The following NCAM2 variants were observed in gnomAD, a reference collection of about 807,000 sequenced individuals.
NCAM2 encodes neural cell adhesion molecule 2.
A neutral mutation model predicts 98.1 loss-of-function variants in NCAM2; 30 were observed. The ratio of observed to expected loss-of-function variants is 0.31; its 90% CI spans 0.23 to 0.41. The LOEUF (loss-of-function observed/expected upper bound fraction) is 0.41, where lower values mean the gene tolerates loss of function less well. NCAM2 is among the 10% of genes least tolerant of loss of function. NCAM2 has a pLI of 1.00. For synonymous variants in NCAM2, 368 were observed against 342.4 expected (o/e 1.07, Z -0.83); for missense variants, 867 against 1,005.8 (o/e 0.86, Z 1.87).
intron 1 of NCAM2, among the ~76,000 whole-genome samples, chr21:21,063,176 T>A: frequency 6.7e-6 from 1 of 148,212 alleles, no homozygotes; most frequent in Non-Finnish European, 1.5e-5. Flanking sequence ...TTTACCCTGG[T>A]CCCTCAAGTC....
At chr21:21,197,293 C>G (rs1393238308) in intron 1 of NCAM2, among the ~76,000 whole-genome samples, 2 of 152,092 alleles carry the variant, frequency 1.3e-5, no homozygotes, top group African/African-American at 4.8e-5. Context: ...CCACGCCTGG[C>G]TAACTTTGGT....
chr21:21,438,738 C>T (rs1279891605), intron 12 of NCAM2, among the ~76,000 whole-genome samples: 1 of 152,014 alleles, frequency 6.6e-6, no homozygotes, highest in African/African-American at 2.4e-5. Flanking sequence ...ATCTTACAAA[C>T]AGCTACTCTT....
chr21:21,428,832 T>A (rs534007172), intron 11 of NCAM2, among the ~76,000 whole-genome samples: 1 of 152,356 alleles, frequency 6.6e-6, no homozygotes, highest in South Asian at 2.1e-4. Flanking sequence ...GTTCTGTATC[T>A]TTGTATATAA....
intron 1 of NCAM2, among the ~76,000 whole-genome samples, chr21:21,159,436 A>G (rs886145174): frequency 6.6e-6 from 1 of 152,166 alleles, no homozygotes; most frequent in Admixed American, 6.5e-5. Flanking sequence ...CATGTCCTGC[A>G]AGCTCCATTT....
chr21:21,192,251 T>TA (rs937346944), intron 1 of NCAM2, among the ~76,000 whole-genome samples: 26 of 146,180 alleles, frequency 1.8e-4, no homozygotes, highest in East Asian at 1.0e-3. Flanking sequence ...ACAAAAAAAC[T>TA]AAAAAAAAAC....
At chr21:21,175,270 C>T (rs1239997486) in intron 1 of NCAM2, among the ~76,000 whole-genome samples, 1 of 152,088 alleles carries the variant, frequency 6.6e-6, no homozygotes, top group Non-Finnish European at 1.5e-5. Context: ...TACCGTGGCT[C>T]ACGCCTGTAA....
At chr21:21,306,762 T>G (rs970313248) in intron 5 of NCAM2, among the ~76,000 whole-genome samples, 1 of 152,160 alleles carries the variant, frequency 6.6e-6, no homozygotes, top group Non-Finnish European at 1.5e-5. Context: ...ATAGTCACCC[T>G]GTTATGGTAT....
intron 1 of NCAM2, among the ~76,000 whole-genome samples, chr21:21,026,438 C>T (rs2064546417): frequency 6.6e-6 from 1 of 152,042 alleles, no homozygotes; most frequent in Admixed American, 6.6e-5. Context: ...GCGGGTGGAT[C>T]ACCTGAGGTC....
intron 12 of NCAM2, among the ~76,000 whole-genome samples, chr21:21,454,462 T>C (rs921252700): frequency 4.6e-5 from 7 of 152,130 alleles, no homozygotes; most frequent in African/African-American, 1.7e-4. Flanking sequence ...ATCCCTAACT[T>C]ATGTATGGGT....
intron 1 of NCAM2, among the ~76,000 whole-genome samples, chr21:21,022,854 A>G (rs1371991443): frequency 6.6e-6 from 1 of 152,192 alleles, no homozygotes; most frequent in Non-Finnish European, 1.5e-5. Context: ...ATAGACATGT[A>G]GATCTTACAA....
At chr21:21,236,715 C>T (rs1196033085) in intron 1 of NCAM2, among the ~76,000 whole-genome samples, 3 of 151,562 alleles carry the variant, frequency 2.0e-5, no homozygotes, top group African/African-American at 4.8e-5. Flanking sequence ...CTTCATAGGT[C>T]CTCTCTCCCA....
chr21:21,118,010 T>C (rs2066598395), intron 1 of NCAM2, among the ~76,000 whole-genome samples: 1 of 152,348 alleles, frequency 6.6e-6, no homozygotes, highest in African/African-American at 2.4e-5. Context: ...TCCATTTAGT[T>C]AGGGATAACT....
At chr21:21,515,877 G>T (rs1460089) in intron 16 of NCAM2, among the ~76,000 whole-genome samples, 94,092 of 151,902 alleles carry the variant, frequency 0.62, 29,259 homozygotes, top group East Asian at 0.77. Context: ...GAAGAAGACG[G>T]CAATTTTAGA....
intron 1 of NCAM2, among the ~76,000 whole-genome samples, chr21:21,113,282 A>C (rs1053493534): frequency 2.6e-5 from 4 of 152,226 alleles, no homozygotes; most frequent in Admixed American, 6.5e-5. Context: ...TCACGGTGGC[A>C]CAAAATTGTT....
rs898438757 is a variant in NCAM2, at chr21:21,538,280, T to C, written c.*323T>C. ...AAAGTGCTCTATTTATTAAGAACTA[T>C]ATTTAATACCACCAACAAATATAGG... is the stretch of plus-strand genomic sequence containing the variant. On this transcript the variant is annotated 3_prime_UTR_variant, in exon 18 of 18. Transcript: ENST00000400546. The C allele has an allele frequency of 6.1e-6, 1 of 164,022 alleles. No homozygotes were observed. Among genetic ancestry groups the C allele is most frequent in the Admixed American group, 6.5e-5 (1 of 15,298 alleles). The allele number at this position is 164,022 out of a possible 1,614,324, so 10.2% of individuals were successfully genotyped here.
intron 11 of NCAM2, among the ~76,000 whole-genome samples, chr21:21,425,664 A>T (rs1056744098): frequency 1.3e-5 from 2 of 152,106 alleles, no homozygotes; most frequent in Admixed American, 1.3e-4. Context: ...AATGAAAGAA[A>T]TTTTTCAGGG....
rs550710618 is a variant in NCAM2, at chr21:21,218,979, T to C, written c.56-61599T>C. Among the ~76,000 whole-genome samples, 8 of 152,150 alleles carry C rather than the reference T, an allele frequency of 5.3e-5. No individual in the cohort carries two copies. The South Asian group carries it at 1.5e-3, about 28-fold the overall frequency. ...AATCACTTCAACTCGGGAGGCAGAG[T>C]TTGCAGTGAGCTGAAATCGTGCCAT... On this transcript the variant is annotated intron_variant, in intron 1 of 17. Coordinates refer to ENST00000400546, the MANE Select transcript of NCAM2 (RefSeq NM_004540.5).
chr21:21,126,557 T>A (rs1181720719), intron 1 of NCAM2, among the ~76,000 whole-genome samples: 1 of 152,044 alleles, frequency 6.6e-6, no homozygotes, highest in Non-Finnish European at 1.5e-5. Context: ...CCTATTTGTG[T>A]TTGTGTGTAT....
chr21:21,324,408 G>A lies in NCAM2; in HGVS notation c.645G>A (p.Gln215=). The change falls in exon 6 of 18, where the codon CAG becomes CAA. Residue 215 remains glutamine (Q), a synonymous_variant. Coordinates refer to ENST00000400546, the MANE Select transcript of NCAM2 (RefSeq NM_004540.5). ...TGCCGCCAGCAATCTCAATGCCTCAGAAATCTTTTAATGCCACAGCAGAGA... is the reference window on the plus strand; with the variant it reads ...TGCCGCCAGCAATCTCAATGCCTCAAAAATCTTTTAATGCCACAGCAGAGA... ...VNVPPAISMP[Q]KSFNATAERG... is the part of the protein sequence containing the mutation. 4.3e-6 allele frequency: 7 copies of A among 1,613,442 alleles called. No homozygotes were observed. The South Asian group carries it at 5.5e-5, about 13-fold the overall frequency.
Sources: gnomAD v4.1 joint callset for allele counts (sites outside exome capture counted in the v4.1 genomes callset) on GRCh38, gnomAD v4.1.1 for gene constraint, MANE v1.5 for transcripts, NCBI Gene and HGNC (gene_info 2026-07-23, HGNC 2026-07-21) for gene names.